The following SRGAP3 variants were observed in gnomAD, a reference collection of about 807,000 sequenced individuals.
SRGAP3 encodes SLIT-ROBO Rho GTPase-activating protein 3.
SRGAP3 carries 39 observed loss-of-function variants against 121.1 expected under a neutral mutation model. That is an observed-to-expected ratio of 0.32 (90% CI 0.25 to 0.42). SRGAP3 has a LOEUF of 0.42. SRGAP3 is among the 10% of genes least tolerant of loss of function. The pLI, the probability that SRGAP3 is intolerant of heterozygous loss-of-function variation, is 1.00. For synonymous variants in SRGAP3, 601 were observed against 570.0 expected (o/e 1.05, Z -0.77); for missense variants, 1,213 against 1,470.6 (o/e 0.82, Z 2.86).
intron 1 of SRGAP3, among the ~76,000 whole-genome samples, chr3:9,352,768 T>TA (rs2030263745): frequency 6.6e-6 from 1 of 152,230 alleles, no homozygotes; most frequent in South Asian, 2.1e-4. Context: ...TCTGTGACTT[T>TA]AGGCCAGTTA....
At chr3:9,095,270 T>A (rs1947923068) in intron 3 of SRGAP3, among the ~76,000 whole-genome samples, 1 of 152,048 alleles carries the variant, frequency 6.6e-6, no homozygotes, top group African/African-American at 2.4e-5. Context: ...GTATGGAAGA[T>A]TTTTTATTTT....
chr3:9,025,363 G>A, intron 13 of SRGAP3, 25 bp from the exon 14 acceptor site: 1 of 1,612,682 alleles, frequency 6.2e-7, no homozygotes, highest in Non-Finnish European at 8.5e-7. Context: ...TACAGAAAAA[G>A]AAATAGTAAA....
intron 1 of SRGAP3, among the ~76,000 whole-genome samples, chr3:9,336,329 C>T (rs1336272602): frequency 6.6e-6 from 1 of 152,004 alleles, no homozygotes; most frequent in Admixed American, 6.6e-5. Context: ...GATCCTCCTT[C>T]CTCAGCCTCC....
At chr3:8,998,599 G>A (rs1411526666) in intron 18 of SRGAP3, among the ~76,000 whole-genome samples, 4 of 151,846 alleles carry the variant, frequency 2.6e-5, no homozygotes, top group Non-Finnish European at 5.9e-5. Context: ...ACACATATGT[G>A]TATATATACA....
At chr3:9,230,856 C>CAAAA (rs544760262) in intron 1 of SRGAP3, among the ~76,000 whole-genome samples, 2 of 91,208 alleles carry the variant, frequency 2.2e-5, no homozygotes, top group South Asian at 3.4e-4. Flanking sequence ...GACCCTATCT[C>CAAAA]AAAAAAAAAA....
chr3:9,216,060 G>A (rs1952607346), intron 1 of SRGAP3, among the ~76,000 whole-genome samples: 2 of 151,360 alleles, frequency 1.3e-5, no homozygotes, highest in Non-Finnish European at 1.5e-5. Flanking sequence ...ATATATATAT[G>A]TATATATACT....
intron 3 of SRGAP3, among the ~76,000 whole-genome samples, chr3:9,097,999 A>T (rs1000771230): frequency 6.6e-6 from 1 of 152,146 alleles, no homozygotes; most frequent in African/African-American, 2.4e-5. Flanking sequence ...ACCGAAATAC[A>T]GTCTCAGAGC....
At chr3:9,168,311 C>T (rs1242602771) in intron 1 of SRGAP3, among the ~76,000 whole-genome samples, 1 of 152,226 alleles carries the variant, frequency 6.6e-6, no homozygotes, top group African/African-American at 2.4e-5. Context: ...TGGCAGGAGC[C>T]CAACCATCGT....
chr3:9,186,671 T>C (rs1381788900), intron 1 of SRGAP3, among the ~76,000 whole-genome samples: 1 of 152,128 alleles, frequency 6.6e-6, no homozygotes, highest in Non-Finnish European at 1.5e-5. Flanking sequence ...GCAGGTCAAC[T>C]CCCGCCCTCC....
At chr3:9,253,888 G>A (rs1220929677), upstream of SRGAP3, among the ~76,000 whole-genome samples, 2 of 152,186 alleles carry the variant, frequency 1.3e-5, no homozygotes, top group East Asian at 1.9e-4. Flanking sequence ...TCATTGGTAA[G>A]GAAATACGTG....
intron 1 of SRGAP3, among the ~76,000 whole-genome samples, chr3:9,231,973 C>T (rs1396863586): frequency 6.6e-6 from 1 of 152,160 alleles, no homozygotes; most frequent in East Asian, 1.9e-4. Context: ...AGACTCTGGC[C>T]ACTGCATCAC....
intron 1 of SRGAP3, among the ~76,000 whole-genome samples, chr3:9,351,997 A>T (rs1301448679): frequency 6.6e-6 from 1 of 152,192 alleles, no homozygotes; most frequent in East Asian, 1.9e-4. Context: ...CCAGTTGACC[A>T]CCACAAGACC....
intron 1 of SRGAP3, among the ~76,000 whole-genome samples, chr3:9,178,195 G>A (rs973085092): frequency 2.0e-5 from 3 of 152,144 alleles, no homozygotes; most frequent in African/African-American, 4.8e-5. Context: ...TTGAGCCTGG[G>A]AGGCACAGGT....
intron 5 of SRGAP3, among the ~76,000 whole-genome samples, chr3:9,061,366 T>C (rs1318987636): frequency 6.6e-6 from 1 of 152,102 alleles, no homozygotes; most frequent in Non-Finnish European, 1.5e-5. Context: ...CTCCCCCTCA[T>C]TTGCTCAGCC....
intron 4 of SRGAP3, among the ~76,000 whole-genome samples, chr3:9,070,086 G>C (rs1271380259): frequency 6.6e-6 from 1 of 152,220 alleles, no homozygotes; most frequent in Non-Finnish European, 1.5e-5. Context: ...ACTGCCTTTT[G>C]CTTTGCACAC....
At position 9,329,972 on chromosome 3, in the gene SRGAP3, T is replaced by G. The variant is rs574367138; in HGVS notation, n.283+556A>C. Among the ~76,000 whole-genome samples the G allele has an allele frequency of 1.1e-4, 16 of 152,342 alleles. No individual in the cohort carries two copies. In the East Asian group the frequency reaches 3.1e-3, roughly 29 times the overall value. ...TCATTTTTAAAAGTACTTCAATGCA[T>G]TATTGTTCATTTGGAATGTTCCACT... is the stretch of plus-strand genomic sequence containing the variant. On this transcript the variant is annotated intron_variant and non_coding_transcript_variant, in intron 2 of 3. Coordinates refer to the SRGAP3 transcript ENST00000490889.
intron 1 of SRGAP3, among the ~76,000 whole-genome samples, chr3:9,336,729 G>T (rs1211377552): frequency 6.6e-6 from 1 of 152,108 alleles, no homozygotes; most frequent in Admixed American, 6.6e-5. Context: ...TTGAGAAATG[G>T]AAGTAAATAA....
At chr3:9,083,799 C>T (rs1016637782) in intron 3 of SRGAP3, among the ~76,000 whole-genome samples, 2 of 152,142 alleles carry the variant, frequency 1.3e-5, no homozygotes, top group East Asian at 3.9e-4. Context: ...GTCCCTGCTG[C>T]AGCTGGCTCC....
Position 9,145,387 on chromosome 3 carries a change from C to T in SRGAP3, c.68-20470G>A, listed in dbSNP as rs1032687924. Among the ~76,000 whole-genome samples the T allele has an allele frequency of 1.1e-4, 17 of 152,212 alleles. No homozygotes were observed. In the South Asian group the frequency reaches 1.7e-3, roughly 15 times the overall value. On this transcript the variant is annotated intron_variant, in intron 1 of 21. Transcript: ENST00000383836. ...CTGGGATTATAGGCACGAGCCACTG[C>T]GCCTGGCTTTCTCTTTCTCTTTCCT...
Sources: allele counts gnomAD v4.1 joint callset (sites outside exome capture counted in the v4.1 genomes callset), GRCh38; gene constraint gnomAD v4.1.1; transcripts MANE v1.5; gene names NCBI Gene and HGNC (gene_info 2026-07-23, HGNC 2026-07-21).